Variants in SEMA5B observed in about 807,000 individuals in gnomAD.
SEMA5B encodes the protein semaphorin-5B.
SEMA5B carries 66 observed loss-of-function variants against 135.0 expected under a neutral mutation model. The observed-to-expected ratio is 0.49, with a 90% CI of 0.40 to 0.60. The LOEUF is 0.60. SEMA5B is among the 20% of genes least tolerant of loss of function. SEMA5B has a pLI of 0.00. For synonymous variants in SEMA5B, 690 were observed against 639.5 expected (o/e 1.08, Z -1.19); for missense variants, 1,501 against 1,566.3 (o/e 0.96, Z 0.70).
At chr3:123,020,686 A>G (rs1242055554) in intron 1 of SEMA5B, among the ~76,000 whole-genome samples, 3 of 152,250 alleles carry the variant, frequency 2.0e-5, no homozygotes, top group Admixed American at 2.0e-4. Context: ...TCGAAGCTCA[A>G]AAAAATACCA....
At chr3:122,969,615 A>G (rs1224538541) in intron 1 of SEMA5B, among the ~76,000 whole-genome samples, 2 of 152,180 alleles carry the variant, frequency 1.3e-5, no homozygotes, top group African/African-American at 2.4e-5. Flanking sequence ...CCTCATGGAC[A>G]TCACAGCCCC....
At chr3:122,970,760 GC>G (rs1256342042) in intron 1 of SEMA5B, among the ~76,000 whole-genome samples, 2 of 152,190 alleles carry the variant, frequency 1.3e-5, no homozygotes, top group African/African-American at 4.8e-5. Context: ...TTCATGACTT[GC>G]CCAAGGTCGC....
chr3:122,954,029 G>T (rs1940172653), intron 2 of SEMA5B, among the ~76,000 whole-genome samples: 1 of 152,246 alleles, frequency 6.6e-6, no homozygotes, highest in Non-Finnish European at 1.5e-5. Context: ...ATATGTAAAT[G>T]TGTGTGGTGG....
At chr3:122,914,369 T>A (rs979372042) in intron 14 of SEMA5B, among the ~76,000 whole-genome samples, 1 of 152,166 alleles carries the variant, frequency 6.6e-6, no homozygotes, top group African/African-American at 2.4e-5. Flanking sequence ...TCCCAATCCT[T>A]GCACTGTAAC....
At chr3:122,972,720 C>G (rs539722186) in intron 1 of SEMA5B, among the ~76,000 whole-genome samples, 1 of 152,256 alleles carries the variant, frequency 6.6e-6, no homozygotes, top group East Asian at 1.9e-4. Flanking sequence ...TCATGCAAAT[C>G]CCCTTCATGT....
In SEMA5B at chr3:122,923,740, C is replaced by T. The variant is rs750052933; in HGVS notation, c.1149G>A (p.Ala383=). ...GVFTTNVNSI[A]ASAVCAFNLS... ...GGTTGAAGGCGCAGACAGCAGAAGC[C>T]GCGATGCTGTTTCTGAAAGGCAAGA... Residue 383 remains alanine (A), a synonymous_variant, in exon 10 of 23, where the codon GCG becomes GCA. Coordinates refer to ENST00000357599, the MANE Select transcript of SEMA5B (RefSeq NM_001031702.4). The T allele has an allele frequency of 1.8e-5, 29 of 1,614,094 alleles. No individual in the cohort carries two copies. In the South Asian group the frequency reaches 2.2e-4, roughly 12 times the overall value.
At position 122,913,283 on chromosome 3, in the gene SEMA5B, C is replaced by G. The variant is rs765852954; in HGVS notation, c.2422G>C (p.Asp808His). The change falls in exon 17 of 23, where the codon GAC becomes CAC. Residue 808 changes from aspartate to histidine, a missense_variant. This residue lies in a region of SEMA5B where 927 missense variants were observed against 881.6 expected (regional missense o/e 1.05). Transcript: ENST00000357599. ...FRFTCRAPLA[D>H]PHGLQFGRRR... ...CTGCCGAACTGCAGGCCGTGCGGGT[C>G]TGCAAGGGGCGCGCGGCAGGTGAAG... 6.3e-7 allele frequency: 1 copy of G among 1,583,662 alleles called. No individual in the cohort carries two copies. Among genetic ancestry groups the G allele is most frequent in the Non-Finnish European group, 8.5e-7 (1 of 1,173,436 alleles).
At chr3:122,992,013 C>A (rs377020569) in intron 1 of SEMA5B, among the ~76,000 whole-genome samples, 1 of 152,044 alleles carries the variant, frequency 6.6e-6, no homozygotes, top group African/African-American at 2.4e-5. Context: ...TCCTTATTCC[C>A]GGAGGCAGCC....
rs151066006 is a variant in SEMA5B, at chr3:122,987,934, C to T, written c.-38-26633G>A. Among the ~76,000 whole-genome samples, 7 of 151,934 alleles carry T rather than the reference C, an allele frequency of 4.6e-5. No homozygotes were observed. The East Asian group carries it at 1.4e-3, about 29-fold the overall frequency. On this transcript the variant is annotated intron_variant, in intron 1 of 22. Coordinates refer to ENST00000357599, the MANE Select transcript of SEMA5B (RefSeq NM_001031702.4). ...ATGTGGTTACTGGATCTTTGCAAGTCACTGGTTACTTACCGCAAGTTGGAA... is the reference window on the plus strand; with the variant it reads ...ATGTGGTTACTGGATCTTTGCAAGTTACTGGTTACTTACCGCAAGTTGGAA...
intron 1 of SEMA5B, among the ~76,000 whole-genome samples, chr3:122,978,770 G>C (rs912684581): frequency 3.0e-4 from 45 of 152,142 alleles, no homozygotes; most frequent in Admixed American, 2.9e-3. Flanking sequence ...GAGTAAATAG[G>C]TGCTCAATAA....
rs537630244 is a variant in SEMA5B at position 122,954,973 on chromosome 3, T to G, written c.124+6167A>C. 7.6e-3 allele frequency among the ~76,000 whole-genome samples: 1,154 copies of G among 150,948 alleles called. 11 individuals carry two copies. The highest frequency in any genetic ancestry group is 0.017 in the Middle Eastern group (5 of 292). The stretch of plus-strand genomic sequence containing the variant: ...AGGCTGGGCAATTTTGTTTTTTGTT[T>G]TTTTTTTTTTGTAGAAACAGAGTCC... On this transcript the variant is annotated intron_variant, in intron 2 of 22. Coordinates refer to ENST00000357599, the MANE Select transcript of SEMA5B (RefSeq NM_001031702.4).
intron 1 of SEMA5B, among the ~76,000 whole-genome samples, chr3:122,987,157 G>C (rs978284416): frequency 6.6e-6 from 1 of 152,272 alleles, no homozygotes. Context: ...CCAGTAAAGT[G>C]ATGCCGGGAA....
intron 3 of SEMA5B, among the ~76,000 whole-genome samples, chr3:122,947,561 G>A (rs1939843343): frequency 6.6e-6 from 1 of 152,214 alleles, no homozygotes; most frequent in Non-Finnish European, 1.5e-5. Flanking sequence ...TCTGCAGTGG[G>A]CAGTGGACAG....
intron 1 of SEMA5B, among the ~76,000 whole-genome samples, chr3:123,008,642 T>C (rs541559564): frequency 6.6e-6 from 1 of 152,230 alleles, no homozygotes; most frequent in Admixed American, 6.5e-5. Flanking sequence ...ATTTGGGGAT[T>C]ACACACATGC....
intron 1 of SEMA5B, among the ~76,000 whole-genome samples, chr3:122,982,360 C>T (rs1941546336): frequency 6.6e-6 from 1 of 152,188 alleles, no homozygotes; most frequent in Non-Finnish European, 1.5e-5. Flanking sequence ...TTGGCTCTAG[C>T]CTTGATCCCT....
chr3:123,003,109 T>C (rs1388048972), intron 1 of SEMA5B, among the ~76,000 whole-genome samples: 1 of 151,886 alleles, frequency 6.6e-6, no homozygotes, highest in East Asian at 1.9e-4. Flanking sequence ...TTTAAGTTTT[T>C]TGAATGTCCA....
intron 1 of SEMA5B, among the ~76,000 whole-genome samples, chr3:122,995,557 C>A (rs935874062): frequency 5.9e-5 from 9 of 152,126 alleles, no homozygotes; most frequent in Non-Finnish European, 1.3e-4. Context: ...TCCTGAAGCA[C>A]CCCCCAGCAT....
intron 1 of SEMA5B, among the ~76,000 whole-genome samples, chr3:122,990,107 T>G (rs745893327): frequency 1.3e-5 from 2 of 152,128 alleles, no homozygotes; most frequent in Admixed American, 6.5e-5. Context: ...AGCAGGCTGA[T>G]TAAGAGATGA....
At chr3:122,951,148 G>A (rs1940029760) in intron 2 of SEMA5B, among the ~76,000 whole-genome samples, 1 of 152,090 alleles carries the variant, frequency 6.6e-6, no homozygotes, top group Admixed American at 6.5e-5. Flanking sequence ...TGCTGCCCAG[G>A]CTTTCTGTAG....
Sources: allele counts gnomAD v4.1 joint callset (sites outside exome capture counted in the v4.1 genomes callset), GRCh38; gene constraint gnomAD v4.1.1; regional missense constraint gnomAD v4.1.1; transcripts MANE v1.5; gene names NCBI Gene and HGNC (gene_info 2026-07-23, HGNC 2026-07-21).